The following SORCS3 variants were observed in gnomAD, a reference collection of about 807,000 sequenced individuals.
The protein encoded by SORCS3 is VPS10 domain-containing receptor SorCS3.
In SORCS3, 57 loss-of-function variants were observed where a neutral mutation model predicts 146.3. The observed-to-expected ratio is 0.39, with a 90% CI of 0.31 to 0.49. SORCS3 has a LOEUF of 0.49. Ranked by LOEUF, SORCS3 falls within the 20% of genes least tolerant of loss-of-function variation. The pLI is 0.92. For missense variants in SORCS3, 1,341 were observed against 1,575.5 expected, an observed-to-expected ratio of 0.85 and a Z score of 2.52; for synonymous variants, 653 against 618.5, an observed-to-expected ratio of 1.06 and a Z score of -0.83.
intron 4 of SORCS3, among the ~76,000 whole-genome samples, chr10:105,033,830 T>C (rs2055286740): frequency 6.6e-6 from 1 of 152,192 alleles, no homozygotes; most frequent in Non-Finnish European, 1.5e-5. Context: ...TGGCCAAGGA[T>C]GGCTTCATGG....
At chr10:104,876,663 A>G (rs2018574937) in intron 2 of SORCS3, among the ~76,000 whole-genome samples, 1 of 151,698 alleles carries the variant, frequency 6.6e-6, no homozygotes, top group Admixed American at 6.6e-5. Flanking sequence ...CACCATTGTC[A>G]GATGCTGTCA....
intron 1 of SORCS3, among the ~76,000 whole-genome samples, chr10:104,822,854 A>G (rs1054400314): frequency 6.6e-6 from 1 of 152,160 alleles, no homozygotes; most frequent in African/African-American, 2.4e-5. Context: ...ACAGATTAAA[A>G]TCTACACCTA....
intron 4 of SORCS3, among the ~76,000 whole-genome samples, chr10:105,026,686 A>G (rs757489423): frequency 1.5e-4 from 23 of 152,326 alleles, no homozygotes; most frequent in Middle Eastern, 3.4e-3. Context: ...GCAACATGGA[A>G]TGCAGCTGGA....
chr10:105,244,448 T>A (rs1295365312), intron 20 of SORCS3, among the ~76,000 whole-genome samples: 2 of 152,078 alleles, frequency 1.3e-5, no homozygotes, highest in African/African-American at 4.8e-5. Flanking sequence ...CAGAATGCAA[T>A]ACCTGCAGAT....
intron 5 of SORCS3, among the ~76,000 whole-genome samples, chr10:105,053,369 C>T (rs372576389): frequency 3.1e-4 from 47 of 151,782 alleles, no homozygotes; most frequent in South Asian, 2.5e-3. Context: ...TAAGGCTTGT[C>T]GGGGAAGTGG....
intron 1 of SORCS3, chr10:104,664,589 T>C (rs1249359284): frequency 2.0e-5 from 3 of 152,210 alleles, no homozygotes; most frequent in African/African-American, 2.4e-5. Context: ...ATAAAATTAG[T>C]CACTTGAGTC....
intron 14 of SORCS3, among the ~76,000 whole-genome samples, chr10:105,182,774 C>A (rs2056451074): frequency 6.6e-6 from 1 of 152,142 alleles, no homozygotes; most frequent in South Asian, 2.1e-4. Flanking sequence ...TGGTTCACTG[C>A]AGCCTTGACC....
At chr10:104,964,666 A>G (rs1319804394) in intron 3 of SORCS3, among the ~76,000 whole-genome samples, 1 of 152,120 alleles carries the variant, frequency 6.6e-6, no homozygotes, top group African/African-American at 2.4e-5. Context: ...CTGTTACTTT[A>G]TCTCTAGTCT....
intron 1 of SORCS3, among the ~76,000 whole-genome samples, chr10:104,774,022 A>G (rs1007236149): frequency 5.9e-5 from 9 of 152,224 alleles, no homozygotes; most frequent in East Asian, 5.8e-4. Flanking sequence ...TTCCTTCTGG[A>G]TTGTTTTTGA....
At chr10:105,164,458 T>A (rs2056295622) in intron 12 of SORCS3, 79 bp downstream of exon 12, 4 of 1,011,434 alleles carry the variant, frequency 4.0e-6, no homozygotes, top group Non-Finnish European at 4.7e-6. Flanking sequence ...CTATAGATTC[T>A]CAGCCTCATT....
intron 8 of SORCS3, among the ~76,000 whole-genome samples, chr10:105,144,045 A>G (rs1293333575): frequency 6.6e-6 from 1 of 152,204 alleles, no homozygotes; most frequent in Non-Finnish European, 1.5e-5. Flanking sequence ...ATCTCTGTAT[A>G]TATCAATTCT....
intron 4 of SORCS3, among the ~76,000 whole-genome samples, chr10:105,012,419 T>A (rs1252574311): frequency 6.6e-6 from 1 of 152,180 alleles, no homozygotes. Flanking sequence ...TGCCATTTTT[T>A]TTTCCTGGTG....
intron 4 of SORCS3, among the ~76,000 whole-genome samples, chr10:105,014,007 A>G (rs1238780662): frequency 2.7e-5 from 4 of 150,216 alleles, no homozygotes; most frequent in African/African-American, 9.8e-5. Context: ...ACACACACAC[A>G]CAGGCATGGG....
At chr10:104,712,925 G>A (rs558609819) in intron 1 of SORCS3, among the ~76,000 whole-genome samples, 14 of 152,270 alleles carry the variant, frequency 9.2e-5, no homozygotes, top group African/African-American at 2.6e-4. Flanking sequence ...AAATTATTCC[G>A]TATGTTAGAA....
chr10:105,235,703 C>CT (rs1352949594), intron 20 of SORCS3, among the ~76,000 whole-genome samples: 1 of 151,844 alleles, frequency 6.6e-6, no homozygotes, highest in Admixed American at 6.6e-5. Context: ...TATCCCCAGT[C>CT]TTTTTTAGGG....
At chr10:105,211,478 T>C (rs1285992105) in intron 17 of SORCS3, among the ~76,000 whole-genome samples, 1 of 152,220 alleles carries the variant, frequency 6.6e-6, no homozygotes, top group Non-Finnish European at 1.5e-5. Context: ...TATTTGCTTA[T>C]GATAGACCAT....
intron 3 of SORCS3, among the ~76,000 whole-genome samples, chr10:104,923,202 T>G (rs1397081025): frequency 6.6e-6 from 1 of 152,228 alleles, no homozygotes; most frequent in Non-Finnish European, 1.5e-5. Context: ...TAGACAGTGT[T>G]TTTCAGAGGG....
chr10:104,927,006 G>A (rs948450530), intron 3 of SORCS3, among the ~76,000 whole-genome samples: 3 of 152,176 alleles, frequency 2.0e-5, no homozygotes, highest in Non-Finnish European at 4.4e-5. Context: ...AGACATTTTA[G>A]AGGAATAATA....
At chr10:104,881,942 T>C (rs2018636593) in intron 2 of SORCS3, among the ~76,000 whole-genome samples, 1 of 152,154 alleles carries the variant, frequency 6.6e-6, no homozygotes, top group Non-Finnish European at 1.5e-5. Flanking sequence ...TTAAAAACTC[T>C]TTGCATCTTC....
Sources: allele counts gnomAD v4.1 joint callset (sites outside exome capture counted in the v4.1 genomes callset), GRCh38; gene constraint gnomAD v4.1.1; transcripts MANE v1.5; gene names NCBI Gene and HGNC (gene_info 2026-07-23, HGNC 2026-07-21).